The following FOCAD variants were observed in gnomAD, a reference collection of about 807,000 sequenced individuals.
FOCAD encodes the protein KIAA1797.
A neutral mutation model predicts 225.6 loss-of-function variants in FOCAD; 198 were observed. The ratio of observed to expected loss-of-function variants is 0.88; its 90% CI spans 0.78 to 0.99. FOCAD has a LOEUF of 0.99. FOCAD is among the 50% of genes least tolerant of loss of function. FOCAD has a pLI of 0.00. For synonymous variants in FOCAD, 897 were observed against 755.0 expected, an observed-to-expected ratio of 1.19 and a Z score of -3.08; for missense variants, 2,713 against 2,123.6, an observed-to-expected ratio of 1.28 and a Z score of -5.46.
chr9:20,929,577 T>G lies in FOCAD; in HGVS notation c.3298T>G (p.Leu1100Val). The G allele has an allele frequency of 6.2e-7, 1 of 1,613,616 alleles. No homozygotes were observed. The highest frequency in any genetic ancestry group is 8.5e-7 in the Non-Finnish European group (1 of 1,179,590). ...TGCTTTAGGGATGTTTCTCTCTCGC[T>G]TGTGTGAAGAGAAACTCAGGTACAG... ...GLALGMFLSR[L>V]CEEKLSDISG... The change falls in exon 27 of 44, where the codon TTG becomes GTG. Residue 1100 changes from leucine (L) to valine (V), a missense_variant. Transcript: ENST00000338382.
chr9:20,704,118 A>G lies in FOCAD; in HGVS notation c.-32-11204A>G, dbSNP rs79110968. Among the ~76,000 whole-genome samples, 1,055 of 152,348 alleles carry G rather than the reference A, an allele frequency of 6.9e-3. 7 individuals carry two copies. The highest frequency in any genetic ancestry group is 0.014 in the Middle Eastern group (4 of 292). ...GCAAAAGCATATATGTCATTGCTTC[A>G]CAGTGCACCATTGATCTTATTCATT... On this transcript the variant is annotated intron_variant, in intron 1 of 43. Coordinates refer to ENST00000338382, the MANE Select transcript of FOCAD (RefSeq NM_001375567.1).
At chr9:20,807,052 CA>C (rs1272487369) in intron 11 of FOCAD, among the ~76,000 whole-genome samples, 2 of 152,154 alleles carry the variant, frequency 1.3e-5, no homozygotes, top group Non-Finnish European at 2.9e-5. Context: ...AATAACAAAA[CA>C]ACCCACCTCA....
intron 4 of FOCAD, among the ~76,000 whole-genome samples, chr9:20,725,048 C>G (rs2131575570): frequency 6.6e-6 from 1 of 152,294 alleles, no homozygotes; most frequent in Non-Finnish European, 1.5e-5. Context: ...TGACACATGC[C>G]TATAGTCCCA....
At chr9:20,782,860 C>T (rs972853793) in intron 10 of FOCAD, among the ~76,000 whole-genome samples, 1 of 152,112 alleles carries the variant, frequency 6.6e-6, no homozygotes, top group African/African-American at 2.4e-5. Flanking sequence ...AGAAACTGGC[C>T]CATAATTATA....
At chr9:20,934,599 G>T (rs922812420) in intron 28 of FOCAD, among the ~76,000 whole-genome samples, 1 of 151,282 alleles carries the variant, frequency 6.6e-6, no homozygotes, top group Admixed American at 6.6e-5. Context: ...GTTGTTCTAT[G>T]TGCCTAGTTT....
intron 15 of FOCAD, among the ~76,000 whole-genome samples, chr9:20,831,669 G>C (rs947411168): frequency 2.0e-5 from 3 of 151,992 alleles, no homozygotes; most frequent in Non-Finnish European, 4.4e-5. Flanking sequence ...TAGCTCACCT[G>C]TATGTTTCTT....
intron 2 of FOCAD, among the ~76,000 whole-genome samples, chr9:20,659,434 G>GAAAC (rs1563860498): frequency 6.6e-6 from 1 of 150,898 alleles, no homozygotes; most frequent in African/African-American, 2.4e-5. Flanking sequence ...GAGAAAGAAA[G>GAAAC]AAAGAAAGAC....
At chr9:20,972,408 T>C (rs1251048709) in intron 35 of FOCAD, among the ~76,000 whole-genome samples, 1 of 152,154 alleles carries the variant, frequency 6.6e-6, no homozygotes, top group Non-Finnish European at 1.5e-5. Context: ...GTGATATTGG[T>C]CATCTTCATA....
intron 1 of FOCAD, among the ~76,000 whole-genome samples, chr9:20,687,193 C>T (rs1184583052): frequency 6.6e-6 from 1 of 152,010 alleles, no homozygotes; most frequent in East Asian, 1.9e-4. Flanking sequence ...TTTCTTTAGG[C>T]CAAAGGAAAT....
chr9:20,980,981 CAGA>C (rs1840644202), intron 37 of FOCAD, among the ~76,000 whole-genome samples: 1 of 152,130 alleles, frequency 6.6e-6, no homozygotes, highest in Non-Finnish European at 1.5e-5. Context: ...TATTTTTTCT[CAGA>C]AGAAGAAATT....
intron 18 of FOCAD, among the ~76,000 whole-genome samples, chr9:20,869,050 A>C (rs762607174): frequency 5.9e-5 from 9 of 152,184 alleles, no homozygotes; most frequent in Non-Finnish European, 1.0e-4. Context: ...GCTTCACCTT[A>C]GTTTTGTAGA....
In FOCAD at chr9:20,944,585, A is replaced by G. The variant is rs768660242; in HGVS notation, c.3408-42A>G. 5 of 1,588,954 alleles carry G rather than the reference A, an allele frequency of 3.1e-6. No individual in the cohort carries two copies. In the African/African-American group the frequency reaches 4.0e-5, roughly 13 times the overall value. ...TGGTAAGTGAAGAGCAATTGTGTGG[A>G]TTTCTTATGATCCTAACATCTTATC... On this transcript the variant is annotated intron_variant, in intron 28 of 43. Coordinates refer to ENST00000338382, the MANE Select transcript of FOCAD (RefSeq NM_001375567.1).
At chr9:20,832,842 T>C (rs1164500505) in intron 15 of FOCAD, among the ~76,000 whole-genome samples, 1 of 152,088 alleles carries the variant, frequency 6.6e-6, no homozygotes, top group East Asian at 1.9e-4. Context: ...GTTTTCTTTA[T>C]CCATTCATCA....
At chr9:20,769,591 G>A (rs1483077025) in intron 7 of FOCAD, among the ~76,000 whole-genome samples, 7 of 152,228 alleles carry the variant, frequency 4.6e-5, no homozygotes, top group African/African-American at 1.7e-4. Flanking sequence ...GCCTGAGCAA[G>A]TATCTTGCAG....
chr9:20,670,161 C>A (rs764476063), intron 2 of FOCAD, among the ~76,000 whole-genome samples: 1 of 152,024 alleles, frequency 6.6e-6, no homozygotes, highest in Non-Finnish European at 1.5e-5. Context: ...TATTAGGGGC[C>A]CAAGGCCTGG....
intron 43 of FOCAD, 81 bp downstream of exon 43, chr9:20,993,409 T>C: frequency 8.2e-7 from 1 of 1,212,406 alleles, no homozygotes; most frequent in South Asian, 1.3e-5. Flanking sequence ...TTCTAGTGGT[T>C]GCAGGTTGAG....
chr9:20,954,827 A>T (rs1489038570), intron 35 of FOCAD, among the ~76,000 whole-genome samples: 1 of 152,208 alleles, frequency 6.6e-6, no homozygotes, highest in East Asian at 1.9e-4. Context: ...TCAGCCTTAC[A>T]CATTACTAAT....
chr9:20,858,008 C>T (rs924418098), intron 15 of FOCAD, among the ~76,000 whole-genome samples: 14 of 151,526 alleles, frequency 9.2e-5, no homozygotes, highest in Non-Finnish European at 1.8e-4. Context: ...ATTTTGTTGA[C>T]GTTTCACATC....
intron 39 of FOCAD, among the ~76,000 whole-genome samples, chr9:20,985,840 G>A (rs1841104238): frequency 6.6e-6 from 1 of 152,126 alleles, no homozygotes; most frequent in Non-Finnish European, 1.5e-5. Flanking sequence ...ATGAATACTA[G>A]TACACTTTGG....
Sources: allele counts gnomAD v4.1 joint callset (sites outside exome capture counted in the v4.1 genomes callset), GRCh38; gene constraint gnomAD v4.1.1; transcripts MANE v1.5; gene names NCBI Gene and HGNC (gene_info 2026-07-23, HGNC 2026-07-21).